LRRCC1: variants seen among roughly 807,000 people sequenced by gnomAD.
LRRCC1 encodes leucine rich repeat and coiled-coil centrosomal protein 1, also known as leucine-rich repeat and coiled-coil domain-containing protein 1.
A neutral mutation model predicts 126.0 loss-of-function variants in LRRCC1; 115 were observed. The observed-to-expected ratio is 0.91, with a 90% CI of 0.78 to 1.07. LRRCC1 has a LOEUF of 1.07. LRRCC1 is among the 50% of genes least tolerant of loss of function. The pLI is 0.00. For missense variants in LRRCC1, 1,172 were observed against 1,175.7 expected (o/e 1.00, Z 0.05); for synonymous variants, 400 against 393.4 (o/e 1.02, Z -0.20).
intron 3 of LRRCC1, among the ~76,000 whole-genome samples, chr8:85,111,636 A>G (rs376095229): frequency 6.6e-6 from 1 of 152,182 alleles, no homozygotes; most frequent in East Asian, 1.9e-4. Context: ...AAAATCAGCA[A>G]AAGATTTGAA....
chr8:85,126,907 A>C (rs7830390), intron 9 of LRRCC1, 70 bp downstream of exon 9: 83,054 of 1,323,968 alleles, frequency 0.063, 7,448 homozygotes, highest in African/African-American at 0.41. Flanking sequence ...ACTGGAATAC[A>C]TTAGTTTCAG....
intron 18 of LRRCC1, among the ~76,000 whole-genome samples, chr8:85,142,510 T>G (rs994864111): frequency 2.6e-5 from 4 of 151,988 alleles, no homozygotes; most frequent in Non-Finnish European, 5.9e-5. Flanking sequence ...ATAAAAGAGT[T>G]CACCAACAGA....
intron 6 of LRRCC1, among the ~76,000 whole-genome samples, chr8:85,121,522 A>G (rs1809552295): frequency 6.6e-6 from 1 of 151,904 alleles, no homozygotes; most frequent in Admixed American, 6.6e-5. Flanking sequence ...GCTCACCGCA[A>G]CCTCCACCTT....
Position 85,125,449 on chromosome 8 carries a change from G to A in LRRCC1, c.1272+510G>A, listed in dbSNP as rs1050841727. Among the ~76,000 whole-genome samples the A allele has an allele frequency of 6.6e-5, 10 of 151,598 alleles. No homozygotes were observed. In the East Asian group the frequency reaches 7.8e-4, roughly 12 times the overall value. On this transcript the variant is annotated intron_variant, in intron 8 of 18. Transcript: ENST00000360375. ...AGCACTTTGGGAGGCCGAGGCGGGC[G>A]GATCACGAGGTCAGGAGATCGAGAC...
intron 4 of LRRCC1, among the ~76,000 whole-genome samples, chr8:85,114,498 A>G (rs1451848436): frequency 1.3e-5 from 2 of 152,086 alleles, no homozygotes; most frequent in Non-Finnish European, 1.5e-5. Context: ...ACATTTACAC[A>G]GGATTAAGGT....
Position 85,131,924 on chromosome 8 carries a change from G to T in LRRCC1, c.1931G>T (p.Arg644Leu). The change falls in exon 12 of 19, where the codon CGT becomes CTT. Residue 644 changes from arginine to leucine, a missense_variant. Arg to Leu is a moderately radical substitution (Grantham distance 102). Coordinates refer to ENST00000360375, the MANE Select transcript of LRRCC1 (RefSeq NM_033402.5). ...TATATGGATTTAGAAAATGAATTCC[G>T]TATTGCTTTAACTGTTGAAGCCAGA... is the stretch of plus-strand genomic sequence containing the variant. ...QQYMDLENEF[R>L]IALTVEARRF... 1 of 1,613,478 alleles carries T rather than the reference G, an allele frequency of 6.2e-7. No homozygotes were observed.
At chr8:85,129,063 T>G (rs967294422) in intron 9 of LRRCC1, 112 bp from the exon 10 acceptor site, 11 of 781,904 alleles carry the variant, frequency 1.4e-5, no homozygotes, top group African/African-American at 5.2e-5. Context: ...AAACAGGAGT[T>G]GAGAGCATGA....
rs1160458632 is a variant in LRRCC1, at chr8:85,138,439, T to G, written c.2804T>G (p.Leu935Arg). 6.2e-7 allele frequency: 1 copy of G among 1,612,012 alleles called. No individual in the cohort carries two copies. Among genetic ancestry groups the G allele is most frequent in the Non-Finnish European group, 8.5e-7 (1 of 1,179,422 alleles). ...KEKFENKEKK[L>R]KAERDKSIEL... Reference sequence around the variant, plus strand: ...AAATTTGAAAACAAGGAAAAGAAACTTAAAGCGGAAAGAGACAAAAGTATT... The same window carrying G: ...AAATTTGAAAACAAGGAAAAGAAACGTAAAGCGGAAAGAGACAAAAGTATT... Residue 935 changes from leucine (L) to arginine (R), a missense_variant, in exon 17 of 19, where the codon CTT becomes CGT. By Grantham distance (102) the Leu-to-Arg change is moderately radical (BLOSUM62 -2). Transcript: ENST00000360375.
Position 85,131,946 on chromosome 8 carries a change from CAGA to C in LRRCC1, c.1957_1959del (p.Arg653del). ...TCCGTATTGCTTTAACTGTTGAAGC[CAGA>C]AGATTTCAAGATGTAAGAATTGGCA... On this transcript the variant is annotated inframe_deletion, in exon 12 of 19. Transcript: ENST00000360375. 1 of 1,610,096 alleles carries C rather than the reference CAGA, an allele frequency of 6.2e-7. No individual in the cohort carries two copies. The highest frequency in any genetic ancestry group is 8.5e-7 in the Non-Finnish European group (1 of 1,178,894).
In LRRCC1 at chr8:85,124,873, A is replaced by G; in HGVS notation, c.1206A>G (p.Glu402=). 1 of 1,607,946 alleles carries G rather than the reference A, an allele frequency of 6.2e-7. No homozygotes were observed. Among genetic ancestry groups the G allele is most frequent in the South Asian group, 1.1e-5 (1 of 90,260 alleles). Residue 402 remains glutamate, a synonymous_variant, in exon 8 of 19, where the codon GAA becomes GAG. Transcript: ENST00000360375. ...SSLANCPMLQ[E]SEKPKTEIIK... ...TAGCAAACTGTCCTATGTTACAAGA[A>G]TCAGAAAAGCCAAAGACTGAAATAA... is the stretch of plus-strand genomic sequence containing the variant.
intron 17 of LRRCC1, among the ~76,000 whole-genome samples, 161 bp downstream of exon 17, chr8:85,138,636 C>T (rs1811040850): frequency 6.6e-6 from 1 of 152,164 alleles, no homozygotes. Context: ...ATAGCAGTAG[C>T]ACCTACCTTA....
chr8:85,136,793 T>C (rs577628069), intron 14 of LRRCC1, among the ~76,000 whole-genome samples: 1 of 152,304 alleles, frequency 6.6e-6, no homozygotes, highest in South Asian at 2.1e-4. Flanking sequence ...TTGTTTGCAT[T>C]CACAGATACC....
intron 9 of LRRCC1, among the ~76,000 whole-genome samples, chr8:85,128,912 A>T (rs1362700999): frequency 6.6e-6 from 1 of 152,102 alleles, no homozygotes; most frequent in Non-Finnish European, 1.5e-5. Flanking sequence ...AAAGATGTTG[A>T]ACTATCTCCT....
intron 12 of LRRCC1, among the ~76,000 whole-genome samples, chr8:85,134,417 A>C (rs1448847004): frequency 6.6e-6 from 1 of 152,126 alleles, no homozygotes; most frequent in East Asian, 1.9e-4. Flanking sequence ...TCCCGGGTTC[A>C]AGTGATTCTC....
chr8:85,109,876 A>G (rs1808566103), intron 2 of LRRCC1, 76 bp downstream of exon 2: 4 of 743,162 alleles, frequency 5.4e-6, no homozygotes, highest in Non-Finnish European at 8.6e-6. Context: ...AAAAGAATGG[A>G]ATAAATATCA....
intron 6 of LRRCC1, among the ~76,000 whole-genome samples, chr8:85,118,043 C>T (rs1281788386): frequency 2.0e-5 from 3 of 152,060 alleles, no homozygotes; most frequent in African/African-American, 7.2e-5. Context: ...CCTCCACTGC[C>T]TCCAGAGGCA....
chr8:85,108,693 T>A (rs956497777), intron 1 of LRRCC1: 7 of 152,172 alleles, frequency 4.6e-5, no homozygotes. Context: ...GTTGCTAGTT[T>A]GAAATTTGCA....
intron 12 of LRRCC1, among the ~76,000 whole-genome samples, chr8:85,132,412 T>TA (rs1390542032): frequency 2.8e-5 from 4 of 142,480 alleles, no homozygotes; most frequent in African/African-American, 1.1e-4. Context: ...TTGTTTCAGA[T>TA]AGAGTCTCGC....
chr8:85,115,434 G>A lies in LRRCC1; in HGVS notation c.780G>A (p.Gln260=). The A allele has an allele frequency of 6.2e-7, 1 of 1,613,770 alleles. No homozygotes were observed. Among genetic ancestry groups the A allele is most frequent in the Non-Finnish European group, 8.5e-7 (1 of 1,179,714 alleles). The change falls in exon 6 of 19, where the codon CAG becomes CAA. Residue 260 remains glutamine (Q), a synonymous_variant. Transcript: ENST00000360375. The part of the protein sequence containing the change: ...APIDELVPLE[Q]FASTPSDAVL... ...TCGATGAGTTAGTTCCCTTGGAACA[G>A]TTTGCAAGTACACCAAGTGATGCTG...
Sources: gnomAD v4.1 joint callset for allele counts (sites outside exome capture counted in the v4.1 genomes callset) on GRCh38, gnomAD v4.1.1 for gene constraint, MANE v1.5 for transcripts, NCBI Gene and HGNC (gene_info 2026-07-23, HGNC 2026-07-21) for gene names.